Variants in ERC2 observed in about 807,000 individuals in gnomAD.
ERC2 encodes the protein ERC protein 2.
ERC2 carries 42 observed loss-of-function variants against 114.8 expected under a neutral mutation model. The ratio of observed to expected loss-of-function variants is 0.37; its 90% CI spans 0.29 to 0.47. The LOEUF is 0.47. ERC2 is among the 20% of genes least tolerant of loss of function. The pLI is 0.99. For synonymous variants in ERC2, 454 were observed against 425.5 expected (o/e 1.07, Z -0.82); for missense variants, 939 against 1,150.7 (o/e 0.82, Z 2.66).
intron 7 of ERC2, among the ~76,000 whole-genome samples, chr3:56,056,577 G>T (rs547464373): frequency 2.0e-5 from 3 of 152,272 alleles, no homozygotes; most frequent in Admixed American, 1.3e-4. Context: ...TATGGGCCTT[G>T]TGAGAGAGTT....
At position 56,205,969 on chromosome 3, in the gene ERC2, GGGGT is replaced by G. The variant is rs2048700530; in HGVS notation, c.1075-32453_1075-32450del. Among the ~76,000 whole-genome samples the G allele has an allele frequency of 3.3e-5, 5 of 152,122 alleles. No individual in the cohort carries two copies. In the South Asian group the frequency reaches 1.0e-3, roughly 32 times the overall value. ...ACTCAACACTACAAAAATCATATATGGGGTTTCTGATAGCAACTGTTACTCACCG... is the reference window on the plus strand; with the variant it reads ...ACTCAACACTACAAAAATCATATATGTTCTGATAGCAACTGTTACTCACCG... On this transcript the variant is annotated intron_variant, in intron 3 of 17. Transcript: ENST00000288221.
intron 2 of ERC2, among the ~76,000 whole-genome samples, chr3:56,381,689 A>AGAAG (rs1174719152): frequency 2.0e-5 from 3 of 151,118 alleles, no homozygotes; most frequent in Non-Finnish European, 1.5e-5. Context: ...AAAGAGACAA[A>AGAAG]GAAGGAAGGA....
chr3:56,190,965 T>C (rs190978787), intron 3 of ERC2, among the ~76,000 whole-genome samples: 2 of 152,226 alleles, frequency 1.3e-5, no homozygotes, highest in East Asian at 3.9e-4. Flanking sequence ...GGCACCAAGA[T>C]AAGTCAATGC....
chr3:56,204,649 T>C (rs1160750357), intron 3 of ERC2, among the ~76,000 whole-genome samples: 1 of 151,838 alleles, frequency 6.6e-6, no homozygotes, highest in Non-Finnish European at 1.5e-5. Flanking sequence ...ATTACAGTCG[T>C]GTACCACCAT....
intron 12 of ERC2, among the ~76,000 whole-genome samples, chr3:55,963,583 C>T (rs2068540921): frequency 2.0e-5 from 3 of 152,154 alleles, no homozygotes; most frequent in Admixed American, 2.0e-4. Context: ...CCTCTTTGCA[C>T]ATTATTTACC....
At chr3:56,034,877 G>A (rs1257968589) in intron 7 of ERC2, among the ~76,000 whole-genome samples, 2 of 151,706 alleles carry the variant, frequency 1.3e-5, no homozygotes, top group African/African-American at 4.8e-5. Flanking sequence ...GAAAAAGAAA[G>A]ATATCAAATA....
At chr3:55,675,211 A>G (rs1401991583) in intron 17 of ERC2, among the ~76,000 whole-genome samples, 1 of 152,228 alleles carries the variant, frequency 6.6e-6, no homozygotes, top group Non-Finnish European at 1.5e-5. Context: ...ACAAAGCTAG[A>G]GGACATGTAT....
At chr3:55,798,948 A>AGC (rs2149094474) in intron 14 of ERC2, among the ~76,000 whole-genome samples, 1 of 152,324 alleles carries the variant, frequency 6.6e-6, no homozygotes, top group South Asian at 2.1e-4. Context: ...ATACATTTTT[A>AGC]AAAATAATGT....
intron 12 of ERC2, among the ~76,000 whole-genome samples, chr3:55,980,106 GAA>G (rs35299238): frequency 3.7e-5 from 3 of 81,264 alleles, no homozygotes; most frequent in Admixed American, 1.3e-4. Flanking sequence ...GTGTAAATTA[GAA>G]AAAAAAAAAA....
At chr3:55,863,646 G>A (rs2062121775) in intron 14 of ERC2, among the ~76,000 whole-genome samples, 1 of 152,066 alleles carries the variant, frequency 6.6e-6, no homozygotes, top group Admixed American at 6.6e-5. Context: ...AACCTTCTCT[G>A]TCTGTAGCAG....
At chr3:55,982,790 G>C (rs553845390) in intron 12 of ERC2, among the ~76,000 whole-genome samples, 1 of 152,302 alleles carries the variant, frequency 6.6e-6, no homozygotes, top group East Asian at 1.9e-4. Context: ...GGATGCTCTG[G>C]CAAAGGTGTT....
chr3:56,376,487 G>A (rs760804381), intron 2 of ERC2, among the ~76,000 whole-genome samples: 12 of 151,852 alleles, frequency 7.9e-5, no homozygotes, highest in East Asian at 7.7e-4. Flanking sequence ...TGAGTTGGCC[G>A]GGCACAGTGG....
chr3:55,612,430 T>C (rs1362432121), intron 17 of ERC2, among the ~76,000 whole-genome samples: 2 of 152,180 alleles, frequency 1.3e-5, no homozygotes, highest in Admixed American at 1.3e-4. Context: ...AGGTAAGCCT[T>C]ATTCCCAGCA....
At chr3:56,240,514 T>TA (rs1314294619) in intron 3 of ERC2, among the ~76,000 whole-genome samples, 5 of 152,286 alleles carry the variant, frequency 3.3e-5, no homozygotes, top group Non-Finnish European at 7.4e-5. Context: ...TGACCCTGTT[T>TA]AAAAAAATAT....
At chr3:56,101,568 TACCCATGGCCCCACA>T (rs2078358871) in intron 6 of ERC2, among the ~76,000 whole-genome samples, 1 of 152,096 alleles carries the variant, frequency 6.6e-6, no homozygotes, top group Non-Finnish European at 1.5e-5. Context: ...GTAAAGGACT[TACCCATGGCCCCACA>T]TCCACCGAAA....
chr3:56,296,565 G>C, intron 2 of ERC2, 130 bp from the exon 3 acceptor site: 1 of 936,510 alleles, frequency 1.1e-6, no homozygotes, highest in South Asian at 1.8e-5. Flanking sequence ...GGCCAGCCAT[G>C]AATTCCTCCA....
chr3:55,888,627 A>C, intron 13 of ERC2, 78 bp from the exon 14 acceptor site: 5 of 1,537,234 alleles, frequency 3.3e-6, no homozygotes, highest in Non-Finnish European at 4.5e-6. Context: ...CTGTGTTCCA[A>C]CAACAAACAC....
intron 17 of ERC2, among the ~76,000 whole-genome samples, chr3:55,627,883 CTT>C (rs10714648): frequency 0.022 from 1,818 of 82,612 alleles, 7 homozygotes; most frequent in Non-Finnish European, 0.026. Context: ...GGACTTGGTG[CTT>C]TTTTTTTTTT....
intron 2 of ERC2, among the ~76,000 whole-genome samples, chr3:56,374,245 T>C (rs1478197058): frequency 1.3e-5 from 2 of 152,186 alleles, no homozygotes; most frequent in African/African-American, 2.4e-5. Flanking sequence ...TACAGGCGCC[T>C]GCCACCACGC....
Sources: allele counts gnomAD v4.1 joint callset (sites outside exome capture counted in the v4.1 genomes callset), GRCh38; gene constraint gnomAD v4.1.1; transcripts MANE v1.5; gene names NCBI Gene and HGNC (gene_info 2026-07-23, HGNC 2026-07-21).